UNC13C: variants seen among roughly 807,000 people sequenced by gnomAD.
UNC13C encodes the protein protein unc-13 homolog C.
Under a neutral mutation model 245.4 loss-of-function variants are expected in UNC13C, and 174 were observed. The observed-to-expected ratio is 0.71, with a 90% CI of 0.63 to 0.80. UNC13C has a LOEUF of 0.80. Ranked by LOEUF, UNC13C falls within the 30% of genes least tolerant of loss-of-function variation. The probability of loss-of-function intolerance (pLI) is 0.00; values close to 1 mark genes in which losing one functional copy is unlikely to be tolerated. For synonymous variants in UNC13C, 992 were observed against 895.1 expected, an observed-to-expected ratio of 1.11 and a Z score of -1.93; for missense variants, 2,829 against 2,602.9, an observed-to-expected ratio of 1.09 and a Z score of -1.89.
chr15:54,398,165 G>A (rs779201475), intron 18 of UNC13C, among the ~76,000 whole-genome samples: 1 of 151,258 alleles, frequency 6.6e-6, no homozygotes, highest in Non-Finnish European at 1.5e-5. Flanking sequence ...TATCATGAAA[G>A]GGTGTTGGAT....
chr15:54,060,954 C>T (rs62009796), intron 2 of UNC13C, among the ~76,000 whole-genome samples: 24,455 of 151,714 alleles, frequency 0.16, 2,049 homozygotes, highest in Admixed American at 0.2. Context: ...ACATCACACA[C>T]CGGGGACTGT....
At chr15:54,201,871 A>C (rs2034535059) in intron 4 of UNC13C, among the ~76,000 whole-genome samples, 2 of 152,112 alleles carry the variant, frequency 1.3e-5, no homozygotes, top group African/African-American at 4.8e-5. Context: ...AGGAATTCAA[A>C]CTGTTACTAT....
At chr15:53,896,595 ATACT>A in the UNC13C span, among the ~76,000 whole-genome samples, 1 of 152,040 alleles carries the variant, frequency 6.6e-6, no homozygotes. Context: ...GGCAGACTAG[ATACT>A]TACTTAATTT....
intron 30 of UNC13C, among the ~76,000 whole-genome samples, chr15:54,614,386 G>A (rs1369114146): frequency 6.6e-6 from 1 of 151,824 alleles, no homozygotes; most frequent in Non-Finnish European, 1.5e-5. Context: ...CAAAGAATTT[G>A]AATCTCTTTG....
intron 4 of UNC13C, among the ~76,000 whole-genome samples, chr15:54,168,809 G>A (rs117635271): frequency 2.0e-5 from 3 of 152,224 alleles, no homozygotes; most frequent in Non-Finnish European, 4.4e-5. Context: ...TATTACACAT[G>A]CATATGATAC....
At chr15:53,914,417 A>G in the UNC13C span, 1 of 152,394 alleles carries the variant, frequency 6.6e-6, no homozygotes, top group East Asian at 1.9e-4. Context: ...GCTCAGCTCA[A>G]CATGGCTTGA....
intron 2 of UNC13C, among the ~76,000 whole-genome samples, chr15:54,136,651 T>C (rs1206079379): frequency 1.3e-5 from 2 of 152,138 alleles, no homozygotes; most frequent in Non-Finnish European, 2.9e-5. Context: ...CTTTCAGCTT[T>C]TCACTGTCGA....
intron 2 of UNC13C, among the ~76,000 whole-genome samples, chr15:54,042,869 A>G (rs534251615): frequency 7.2e-5 from 8 of 110,520 alleles, no homozygotes; most frequent in African/African-American, 2.3e-4. Flanking sequence ...GAAAAAGAAA[A>G]AGAAAAAGAA....
chr15:54,215,731 C>CTAATGAGAG (rs2035019635), intron 4 of UNC13C, among the ~76,000 whole-genome samples: 1 of 151,782 alleles, frequency 6.6e-6, no homozygotes, highest in Non-Finnish European at 1.5e-5. Flanking sequence ...GTGAAATTAC[C>CTAATGAGAG]TCAGTCAAGA....
At chr15:54,473,539 C>A (rs1038309254) in intron 19 of UNC13C, among the ~76,000 whole-genome samples, 1 of 151,920 alleles carries the variant, frequency 6.6e-6, no homozygotes, top group African/African-American at 2.4e-5. Flanking sequence ...TTATAACTAT[C>A]ATTCTACCCT....
chr15:54,172,698 A>T (rs1245538715), intron 4 of UNC13C, among the ~76,000 whole-genome samples: 1 of 80,706 alleles, frequency 1.2e-5, no homozygotes, highest in Non-Finnish European at 2.9e-5. Context: ...TCAAATACAC[A>T]CACAGATATA....
At chr15:54,408,156 C>A (rs1486695652) in intron 18 of UNC13C, among the ~76,000 whole-genome samples, 2 of 133,224 alleles carry the variant, frequency 1.5e-5, no homozygotes, top group African/African-American at 2.9e-5. Context: ...GCCGAGATGG[C>A]GCCACTGCAC....
chr15:54,318,181 C>T (rs1215462819), intron 13 of UNC13C, among the ~76,000 whole-genome samples: 1 of 151,878 alleles, frequency 6.6e-6, no homozygotes, highest in African/African-American at 2.4e-5. Flanking sequence ...TGCTGCAATA[C>T]ACATGGGAGT....
chr15:54,011,865 C>G (rs1001755320), intron 1 of UNC13C, among the ~76,000 whole-genome samples: 6 of 152,318 alleles, frequency 3.9e-5, no homozygotes, highest in African/African-American at 1.4e-4. Flanking sequence ...GTGGAGAGAG[C>G]TGATAAAAGA....
At chr15:54,219,730 A>G (rs2140777993) in intron 4 of UNC13C, among the ~76,000 whole-genome samples, 1 of 151,990 alleles carries the variant, frequency 6.6e-6, no homozygotes, top group Admixed American at 6.6e-5. Flanking sequence ...CAGAATCTAC[A>G]ATGAACTCAA....
intron 2 of UNC13C, among the ~76,000 whole-genome samples, chr15:54,101,778 G>C (rs1378151871): frequency 6.6e-6 from 1 of 151,842 alleles, no homozygotes; most frequent in African/African-American, 2.4e-5. Flanking sequence ...TAGAGATGGG[G>C]TTTCACCATA....
chr15:54,381,185 A>C (rs2039716732), intron 17 of UNC13C, among the ~76,000 whole-genome samples: 1 of 152,094 alleles, frequency 6.6e-6, no homozygotes, highest in African/African-American at 2.4e-5. Context: ...GTGGATGTCT[A>C]GTTTTCTTAA....
intron 2 of UNC13C, among the ~76,000 whole-genome samples, chr15:54,136,163 A>G (rs1447933344): frequency 6.6e-6 from 1 of 152,136 alleles, no homozygotes; most frequent in South Asian, 2.1e-4. Context: ...TTCAAGATGG[A>G]GTCTCACTCT....
chr15:54,089,491 T>C (rs1198319898), intron 2 of UNC13C, among the ~76,000 whole-genome samples: 1 of 152,036 alleles, frequency 6.6e-6, no homozygotes, highest in South Asian at 2.1e-4. Flanking sequence ...CTCTTCAAGG[T>C]TAGAGGAGAA....
Sources: allele counts gnomAD v4.1 joint callset (sites outside exome capture counted in the v4.1 genomes callset), GRCh38; gene constraint gnomAD v4.1.1; transcripts MANE v1.5; gene names NCBI Gene and HGNC (gene_info 2026-07-23, HGNC 2026-07-21).